The following COX4I1 variants were observed in gnomAD, a reference collection of about 807,000 sequenced individuals.
COX4I1 encodes cytochrome c oxidase subunit 4I1, also known as cytochrome c oxidase subunit 4 isoform 1, mitochondrial.
Under a neutral mutation model 21.7 loss-of-function variants are expected in COX4I1, and 18 were observed. The ratio of observed to expected loss-of-function variants is 0.83; its 90% CI spans 0.57 to 1.23. The LOEUF (loss-of-function observed/expected upper bound fraction) is 1.23, where lower values mean the gene tolerates loss of function less well. Among genes scored for constraint, COX4I1 ranks in the 50% most tolerant of loss-of-function variants. The pLI is 0.00. For missense variants in COX4I1, 238 were observed against 220.7 expected, an observed-to-expected ratio of 1.08 and a Z score of -0.50; for synonymous variants, 100 against 81.5, an observed-to-expected ratio of 1.23 and a Z score of -1.23.
intron 3 of COX4I1, 100 bp downstream of exon 3, chr16:85,805,204 C>G (rs1414154004): frequency 5.7e-6 from 7 of 1,238,466 alleles, no homozygotes; most frequent in Non-Finnish European, 6.6e-6. Context: ...TAGAGGCAGT[C>G]TTGCACAGGA....
intron 4 of COX4I1, 74 bp downstream of exon 4, chr16:85,805,938 G>T: frequency 6.3e-7 from 1 of 1,584,110 alleles, no homozygotes; most frequent in Non-Finnish European, 8.6e-7. Context: ...GTGGGCTGTC[G>T]GGGACCTCCA....
rs554109238 is a variant in COX4I1 at position 85,806,435 on chromosome 16, C to T, written c.374-303C>T. ...TGTGGATGTGGGTTAATAACAGACC[C>T]GAATCTATTTGATCTTCCAGGTCAC... is the stretch of plus-strand genomic sequence containing the variant. On this transcript the variant is annotated intron_variant, in intron 4 of 4. Coordinates refer to ENST00000253452, the MANE Select transcript of COX4I1 (RefSeq NM_001861.6). 45 of 702,488 alleles carry T rather than the reference C, an allele frequency of 6.4e-5. No individual in the cohort carries two copies. In the East Asian group the frequency reaches 1.1e-3, roughly 17 times the overall value. The allele number at this position is 702,488 out of a possible 1,614,324, so 43.5% of individuals were successfully genotyped here. A position where few individuals can be genotyped will look rare whatever the true frequency, so the allele number is the denominator to read the frequency against.
intron 3 of COX4I1, 125 bp from the exon 4 acceptor site, chr16:85,805,608 G>A: frequency 7.1e-7 from 1 of 1,407,558 alleles, no homozygotes; most frequent in Non-Finnish European, 9.8e-7. Context: ...GGCCTGGGTT[G>A]GTGTATCCTT....
At position 85,799,952 on chromosome 16, in the gene COX4I1, G is replaced by A. The variant is rs1255378881; in HGVS notation, c.-2+200G>A. On this transcript the variant is annotated intron_variant, in intron 1 of 4. Transcript: ENST00000253452. The surrounding 1 kb of genome is among the most constrained non-coding windows in gnomAD (Gnocchi z 4.2). Reference sequence around the variant, plus strand: ...TCCAGGCTCGGGGGGCCGCCCCGAAGTGCCCGGTCCATCTTACCCGGTCTC... The same window carrying A: ...TCCAGGCTCGGGGGGCCGCCCCGAAATGCCCGGTCCATCTTACCCGGTCTC... 6.6e-6 allele frequency: 1 copy of A among 152,218 alleles called. No homozygotes were observed. The highest frequency in any genetic ancestry group is 1.5e-5 in the Non-Finnish European group (1 of 68,044). The allele number at this position is 152,218 out of a possible 1,614,324, so 9.4% of individuals were successfully genotyped here. A position where few individuals can be genotyped will look rare whatever the true frequency, so the allele number is the denominator to read the frequency against.
intron 2 of COX4I1, among the ~76,000 whole-genome samples, chr16:85,802,550 CAACAT>C (rs10563131): frequency 0.97 from 148,469 of 152,278 alleles, 72,480 homozygotes; most frequent in Middle Eastern, 1. Flanking sequence ...AATGTGTTCT[CAACAT>C]AAGATATTAA....
In COX4I1 at chr16:85,805,129, C is replaced by T. The variant is rs757556403; in HGVS notation, c.241+25C>T. The T allele has an allele frequency of 4.3e-5, 68 of 1,598,942 alleles. No individual in the cohort carries two copies. In the Admixed American group the frequency reaches 5.8e-4, roughly 14 times the overall value. On this transcript the variant is annotated intron_variant, in intron 3 of 4. Coordinates refer to ENST00000253452, the MANE Select transcript of COX4I1 (RefSeq NM_001861.6). ...TGTGGGTATTGAAGGGACCCACAGG[C>T]GCGCCCAGCAGCTCTCGGAAGCGTG...
chr16:85,800,256 C>A (rs557412164), intron 1 of COX4I1, among the ~76,000 whole-genome samples: 47 of 152,338 alleles, frequency 3.1e-4, no homozygotes, highest in African/African-American at 1.1e-3. Flanking sequence ...TTTATTCTGC[C>A]CCAAGGAGGG....
At chr16:85,806,462 T>A in intron 4 of COX4I1, 1 of 704,028 alleles carries the variant, frequency 1.4e-6, no homozygotes, top group Non-Finnish European at 2.6e-6. Flanking sequence ...CCAGGTCACC[T>A]TGGGCTCTGT....
chr16:85,806,365 A>G (rs1216804230), intron 4 of COX4I1: 2 of 667,660 alleles, frequency 3.0e-6, no homozygotes, highest in African/African-American at 3.6e-5. Flanking sequence ...CAGAACAGGC[A>G]TTTTTGCATT....
Position 85,805,788 on chromosome 16 carries a change from G to A in COX4I1, c.297G>A (p.Glu99=), listed in dbSNP as rs1374355577. The change falls in exon 4 of 5, where the codon GAG becomes GAA. Residue 99 remains glutamate (E), a synonymous_variant. Transcript: ENST00000253452. ...SFAEMNRGSN[E]WKTVVGGAMF... Reference sequence around the variant, plus strand: ...CTGAGATGAACAGGGGCTCGAACGAGTGGAAGACGGTTGTGGGCGGTGCCA... The same window carrying A: ...CTGAGATGAACAGGGGCTCGAACGAATGGAAGACGGTTGTGGGCGGTGCCA... 1 of 1,614,282 alleles carries A rather than the reference G, an allele frequency of 6.2e-7. No individual in the cohort carries two copies. The highest frequency in any genetic ancestry group is 8.5e-7 in the Non-Finnish European group (1 of 1,180,054).
chr16:85,806,521 A>T, intron 4 of COX4I1: 1 of 732,374 alleles, frequency 1.4e-6, no homozygotes, highest in African/African-American at 1.7e-5. Context: ...TTCTGCTTTT[A>T]GCTTATTTTG....
intron 2 of COX4I1, among the ~76,000 whole-genome samples, chr16:85,801,720 A>C (rs943103755): frequency 6.6e-6 from 1 of 152,150 alleles, no homozygotes; most frequent in African/African-American, 2.4e-5. Flanking sequence ...TCTATCAAGG[A>C]CTAGCTACTG....
At chr16:85,805,973 C>A in intron 4 of COX4I1, 109 bp downstream of exon 4, 2 of 1,449,414 alleles carry the variant, frequency 1.4e-6, no homozygotes, top group African/African-American at 1.4e-5. Flanking sequence ...GAGATAGGGA[C>A]TGCATTCCAG....
At position 85,805,838 on chromosome 16, in the gene COX4I1, T is replaced by C. The variant is rs1229949005; in HGVS notation, c.347T>C (p.Leu116Pro). The change falls in exon 4 of 5, where the codon CTC (leucine) becomes CCC (proline). Residue 116 changes from leucine to proline, a missense_variant. Physicochemically the swap from Leu to Pro is moderately conservative, Grantham distance 98 (BLOSUM62 -3). Coordinates refer to ENST00000253452, the MANE Select transcript of COX4I1 (RefSeq NM_001861.6). ...ATGTTCTTCATCGGTTTCACCGCGCTCGTTATCATGTGGCAGAAGCACTAT... is the reference window on the plus strand; with the variant it reads ...ATGTTCTTCATCGGTTTCACCGCGCCCGTTATCATGTGGCAGAAGCACTAT... ...GAMFFIGFTA[L>P]VIMWQKHYVY... 1 of 1,614,216 alleles carries C rather than the reference T, an allele frequency of 6.2e-7. No homozygotes were observed. Among genetic ancestry groups the C allele is most frequent in the Admixed American group, 1.7e-5 (1 of 60,022 alleles).
intron 4 of COX4I1, 43 bp from the exon 5 acceptor site, chr16:85,806,695 C>G (rs748959830): frequency 1.2e-6 from 2 of 1,613,794 alleles, no homozygotes; most frequent in African/African-American, 1.3e-5. Context: ...CTAGAAACAA[C>G]CTGTTGAGAT....
intron 2 of COX4I1, chr16:85,804,333 C>T (rs11117402): frequency 0.97 from 148,596 of 152,438 alleles, 72,529 homozygotes; most frequent in Middle Eastern, 1. Context: ...CCTTGGCCCA[C>T]GTCTGCAGGT....
At chr16:85,801,044 C>G in intron 1 of COX4I1, 161 bp from the exon 2 acceptor site, 1 of 565,386 alleles carries the variant, frequency 1.8e-6, no homozygotes, top group South Asian at 2.5e-5. Flanking sequence ...AAAACCTCAT[C>G]CTAGGTCATT....
At chr16:85,805,208 C>G (rs1333207248) in intron 3 of COX4I1, 104 bp downstream of exon 3, 1 of 1,214,312 alleles carries the variant, frequency 8.2e-7, no homozygotes, top group East Asian at 2.4e-5. Context: ...GGCAGTCTTG[C>G]ACAGGAGGGT....
At chr16:85,800,261 G>T (rs1228649590) in intron 1 of COX4I1, among the ~76,000 whole-genome samples, 2 of 152,232 alleles carry the variant, frequency 1.3e-5, no homozygotes, top group Non-Finnish European at 2.9e-5. Context: ...TCTGCCCCAA[G>T]GAGGGTATTT....
Sources: gnomAD v4.1 joint callset for allele counts (sites outside exome capture counted in the v4.1 genomes callset) on GRCh38, gnomAD v4.1.1 for gene constraint, Gnocchi (gnomAD v3.1) non-coding constraint, MANE v1.5 for transcripts, NCBI Gene and HGNC (gene_info 2026-07-23, HGNC 2026-07-21) for gene names.